Variants in PITPNC1 observed in about 807,000 individuals in gnomAD.
PITPNC1 encodes the protein phosphatidylinositol transfer protein cytoplasmic 1, also known as cytoplasmic phosphatidylinositol transfer protein 1.
PITPNC1 carries 18 observed loss-of-function variants against 44.7 expected under a neutral mutation model. That is an observed-to-expected ratio of 0.40 (90% CI 0.28 to 0.60). PITPNC1 has a LOEUF of 0.60. Ranked by LOEUF, PITPNC1 falls within the 20% of genes least tolerant of loss-of-function variation. The pLI, the probability that PITPNC1 is intolerant of heterozygous loss-of-function variation, is 0.39. For missense variants in PITPNC1, 290 were observed against 418.4 expected (o/e 0.69, Z 2.68); for synonymous variants, 141 against 149.6 (o/e 0.94, Z 0.42).
intron 5 of PITPNC1, among the ~76,000 whole-genome samples, chr17:67,608,253 A>AC (rs2041637160): frequency 1.4e-5 from 2 of 147,770 alleles, no homozygotes; most frequent in African/African-American, 5.2e-5. Flanking sequence ...AAAACAAAAA[A>AC]AAACAAAAAA....
At chr17:67,490,472 G>A (rs1011456308) in intron 1 of PITPNC1, among the ~76,000 whole-genome samples, 12 of 151,906 alleles carry the variant, frequency 7.9e-5, no homozygotes, top group African/African-American at 2.9e-4. Context: ...GACATACCAC[G>A]ACTCTGAATG....
intron 4 of PITPNC1, among the ~76,000 whole-genome samples, chr17:67,555,207 C>T (rs570807776): frequency 6.6e-6 from 1 of 152,266 alleles, no homozygotes; most frequent in African/African-American, 2.4e-5. Flanking sequence ...ATAATCCCTC[C>T]TTCCTAGAGA....
chr17:67,615,157 G>A (rs1027726211), intron 5 of PITPNC1, among the ~76,000 whole-genome samples: 11 of 152,250 alleles, frequency 7.2e-5, no homozygotes, highest in African/African-American at 2.2e-4. Flanking sequence ...GAGGCCTTGC[G>A]TAGTTTGCCT....
chr17:67,539,959 A>T (rs973430067), intron 2 of PITPNC1, among the ~76,000 whole-genome samples: 1 of 152,134 alleles, frequency 6.6e-6, no homozygotes, highest in Non-Finnish European at 1.5e-5. Flanking sequence ...AGACAACCGC[A>T]TATGTAATAA....
At chr17:67,632,522 CA>C in intron 6 of PITPNC1, 1 of 327,672 alleles carries the variant, frequency 3.1e-6, no homozygotes, top group Non-Finnish European at 5.5e-6. Context: ...GACCATCCAA[CA>C]CACTGGCCTT....
intron 1 of PITPNC1, among the ~76,000 whole-genome samples, chr17:67,501,195 C>G (rs1438412639): frequency 6.6e-6 from 1 of 152,210 alleles, no homozygotes; most frequent in Non-Finnish European, 1.5e-5. Context: ...TAGAGGATAG[C>G]ATTTCATGCA....
At chr17:67,677,987 A>G (rs1239776894) in intron 8 of PITPNC1, among the ~76,000 whole-genome samples, 4 of 152,072 alleles carry the variant, frequency 2.6e-5, no homozygotes, top group Non-Finnish European at 5.9e-5. Flanking sequence ...CCTAGGATGG[A>G]GGATCACTTG....
At chr17:67,595,621 A>T (rs1190152768) in intron 5 of PITPNC1, among the ~76,000 whole-genome samples, 1 of 152,134 alleles carries the variant, frequency 6.6e-6, no homozygotes, top group Non-Finnish European at 1.5e-5. Flanking sequence ...CTGCTTTTTA[A>T]CCATGCAGTG....
chr17:67,529,536 G>A (rs2144122941), intron 1 of PITPNC1, among the ~76,000 whole-genome samples: 1 of 152,306 alleles, frequency 6.6e-6, no homozygotes, highest in Admixed American at 6.5e-5. Flanking sequence ...TCAACGTTGT[G>A]CAAAACCACC....
intron 1 of PITPNC1, among the ~76,000 whole-genome samples, chr17:67,488,460 GT>G (rs370684934): frequency 3.2e-4 from 48 of 152,274 alleles, no homozygotes; most frequent in African/African-American, 1.1e-3. Flanking sequence ...TGTGTGCTGT[GT>G]TTTACAGATG....
chr17:67,651,849 G>T (rs867051754), intron 6 of PITPNC1, among the ~76,000 whole-genome samples: 1 of 152,178 alleles, frequency 6.6e-6, no homozygotes, highest in South Asian at 2.1e-4. Context: ...TTGGTTTTAT[G>T]TGTATCCCTC....
chr17:67,549,404 C>A (rs553786700), intron 2 of PITPNC1, among the ~76,000 whole-genome samples: 52 of 152,260 alleles, frequency 3.4e-4, no homozygotes, highest in Non-Finnish European at 5.6e-4. Context: ...CATAAAATAT[C>A]AGCTATCTTG....
chr17:67,426,734 AAT>A (rs1275201005), intron 1 of PITPNC1, among the ~76,000 whole-genome samples: 3 of 152,166 alleles, frequency 2.0e-5, no homozygotes, highest in Admixed American at 1.3e-4. Flanking sequence ...TTAAAATAAA[AAT>A]AAAAAATAAA....
chr17:67,386,075 C>A (rs1388212126), intron 1 of PITPNC1, among the ~76,000 whole-genome samples: 1 of 152,178 alleles, frequency 6.6e-6, no homozygotes. Flanking sequence ...AACCTTGTGT[C>A]TGATTGCGTG....
At chr17:67,631,941 T>C (rs2041976924) in intron 5 of PITPNC1, among the ~76,000 whole-genome samples, 1 of 151,388 alleles carries the variant, frequency 6.6e-6, no homozygotes, top group Non-Finnish European at 1.5e-5. Context: ...TGATTGATGC[T>C]ACACCTGCCT....
chr17:67,682,932 C>A (rs533588266), intron 8 of PITPNC1, among the ~76,000 whole-genome samples: 3 of 151,894 alleles, frequency 2.0e-5, no homozygotes, highest in African/African-American at 4.8e-5. Context: ...GAGGCCGAGG[C>A]GGGTGAATCA....
At chr17:67,632,648 G>A (rs925613125) in intron 6 of PITPNC1, among the ~76,000 whole-genome samples, 2 of 149,642 alleles carry the variant, frequency 1.3e-5, no homozygotes, top group African/African-American at 4.9e-5. Flanking sequence ...TCTCACTGTG[G>A]CATCTGCCTC....
rs192650598 is a variant in PITPNC1, at chr17:67,594,514, G to T, written c.366+16257G>T. On this transcript the variant is annotated intron_variant, in intron 5 of 8. Transcript: ENST00000581322. ...CTTTTGAGTTCACTTTTTCAAAGTG[G>T]AGAAAGGAGTGGTTACTGGTGCAAG... Among the ~76,000 whole-genome samples, 433 of 152,178 alleles carry T rather than the reference G, an allele frequency of 2.8e-3. 1 individual carries two copies. Among genetic ancestry groups the T allele is most frequent in the Middle Eastern group, 6.8e-3 (2 of 294 alleles).
intron 1 of PITPNC1, among the ~76,000 whole-genome samples, chr17:67,410,125 G>C (rs561420313): frequency 6.6e-6 from 1 of 152,124 alleles, no homozygotes; most frequent in Non-Finnish European, 1.5e-5. Flanking sequence ...CATTCTGTTT[G>C]TTCTGTCTCT....
Sources: allele counts gnomAD v4.1 joint callset (sites outside exome capture counted in the v4.1 genomes callset), GRCh38; gene constraint gnomAD v4.1.1; transcripts MANE v1.5; gene names NCBI Gene and HGNC (gene_info 2026-07-23, HGNC 2026-07-21).